Variants in ZFHX3 observed in about 807,000 individuals in gnomAD.
ZFHX3 encodes zinc finger homeobox protein 3.
ZFHX3 carries 42 observed loss-of-function variants against 279.1 expected under a neutral mutation model. That is an observed-to-expected ratio of 0.15 (90% CI 0.12 to 0.19). The LOEUF (loss-of-function observed/expected upper bound fraction) is 0.19. ZFHX3 is among the 10% of genes least tolerant of loss of function. ZFHX3 has a pLI of 1.00. For synonymous variants in ZFHX3, 2,293 were observed against 1,957.8 expected, an observed-to-expected ratio of 1.17 and a Z score of -4.52; for missense variants, 4,981 against 4,754.0, an observed-to-expected ratio of 1.05 and a Z score of -1.40.
chr16:73,815,749 G>C (rs1472680155), intron 1 of ZFHX3: 1 of 151,962 alleles, frequency 6.6e-6, no homozygotes, highest in African/African-American at 2.4e-5. Context: ...ATTTTTACTA[G>C]AGACAGGTTT....
rs535368706 is a variant in ZFHX3 at position 73,765,878 on chromosome 16, A to C, written c.-1607-85638T>G. Among the ~76,000 whole-genome samples, 48 of 152,328 alleles carry C rather than the reference A, an allele frequency of 3.2e-4. No individual in the cohort carries two copies. The South Asian group carries it at 9.3e-3, about 30-fold the overall frequency. On this transcript the variant is annotated intron_variant, in intron 1 of 17. Transcript: ENST00000641206. ...TTCTGCCTCAACCCTTGGCCACACCACTGGCCAGGAGGCTTACGTGAGACT... is the reference window on the plus strand; with the variant it reads ...TTCTGCCTCAACCCTTGGCCACACCCCTGGCCAGGAGGCTTACGTGAGACT...
rs147515038 is a variant in ZFHX3, at chr16:73,585,139, C to G, written c.-1547+95041G>C. On this transcript the variant is annotated intron_variant, in intron 2 of 17. Coordinates refer to the ZFHX3 transcript ENST00000641206. ...TACACTCTTGGTAAAACAAACAGGTCAGGTGCGGTGGCTCACACTTGTAAT... is the reference window on the plus strand; with the variant it reads ...TACACTCTTGGTAAAACAAACAGGTGAGGTGCGGTGGCTCACACTTGTAAT... Among the ~76,000 whole-genome samples the G allele has an allele frequency of 4.6e-5, 7 of 152,302 alleles. No individual in the cohort carries two copies. In the East Asian group the frequency reaches 1.4e-3, roughly 29 times the overall value.
At chr16:73,868,053 T>C (rs888321749) in intron 1 of ZFHX3, among the ~76,000 whole-genome samples, 3 of 152,224 alleles carry the variant, frequency 2.0e-5, no homozygotes, top group Non-Finnish European at 4.4e-5. Context: ...TCCCTAAACC[T>C]GGTCTTCTTG....
chr16:73,170,222 A>ATTTTTTTTTT (rs1323820575), intron 5 of ZFHX3, among the ~76,000 whole-genome samples: 8 of 36,840 alleles, frequency 2.2e-4, no homozygotes, highest in South Asian at 8.1e-4. Context: ...TCCTTTCACT[A>ATTTTTTTTTT]GTTTTTTTTT....
At chr16:73,042,328 T>G (rs984870705) in intron 1 of ZFHX3, among the ~76,000 whole-genome samples, 1 of 152,068 alleles carries the variant, frequency 6.6e-6, no homozygotes, top group Non-Finnish European at 1.5e-5. Flanking sequence ...AACTAGAATC[T>G]TCCTACTGAA....
Position 73,127,439 on chromosome 16 carries a change from C to T in ZFHX3, c.-897+3529G>A, listed in dbSNP as rs111698259. The T allele has an allele frequency of 2.5e-5, 33 of 1,305,360 alleles. No homozygotes were observed. The East Asian group carries it at 3.3e-4, about 13-fold the overall frequency. The allele number at this position is 1,305,360 out of a possible 1,614,324, so 80.9% of individuals were successfully genotyped here. ...GGTAGTAGCTGGAGCATCTCTGTTCCGGAACTGAGACATCAAGCGAGAGCC... is the reference window on the plus strand; with the variant it reads ...GGTAGTAGCTGGAGCATCTCTGTTCTGGAACTGAGACATCAAGCGAGAGCC... On this transcript the variant is annotated intron_variant, in intron 7 of 17. Transcript: ENST00000641206.
At chr16:73,021,311 T>G (rs993457287) in intron 1 of ZFHX3, among the ~76,000 whole-genome samples, 10 of 152,120 alleles carry the variant, frequency 6.6e-5, no homozygotes, top group Admixed American at 6.5e-4. Flanking sequence ...GTCCTTCCAG[T>G]CACTCAAGTT....
intron 1 of ZFHX3, among the ~76,000 whole-genome samples, chr16:73,819,940 G>C (rs780420869): frequency 6.6e-6 from 1 of 152,128 alleles, no homozygotes; most frequent in South Asian, 2.1e-4. Flanking sequence ...AGATGGTCAC[G>C]ACAATGTCTC....
intron 2 of ZFHX3, among the ~76,000 whole-genome samples, chr16:73,535,049 G>A (rs916215331): frequency 5.9e-5 from 9 of 151,802 alleles, no homozygotes; most frequent in African/African-American, 2.2e-4. Flanking sequence ...AAAAAAAAAA[G>A]CAAAAAACTT....
intron 3 of ZFHX3, among the ~76,000 whole-genome samples, chr16:73,363,551 T>A (rs2016471072): frequency 6.7e-6 from 1 of 149,106 alleles, no homozygotes; most frequent in South Asian, 2.1e-4. Context: ...GGCACTTTAA[T>A]TTTTTTTTTC....
chr16:72,958,105 T>C lies in ZFHX3; in HGVS notation c.2041A>G (p.Lys681Glu). ...TGTGCCTCCAGGGTCTGCTGGTACT[T>C]ATAGTGCCAGTTGCACTTGGGGCAC... is the stretch of plus-strand genomic sequence containing the variant. The part of the protein sequence containing the change: ...LKCPKCNWHY[K>E]YQQTLEAHMK... Residue 681 changes from lysine (K) to glutamate (E), a missense_variant, in exon 2 of 10, where the codon AAG (lysine) becomes GAG (glutamate). By Grantham distance (56) the Lys-to-Glu change is moderately conservative. Around this residue, in one of 7 missense-constraint regions of ZFHX3, gnomAD observed 1,068 missense variants for 935.2 expected, o/e 1.14. Coordinates refer to ENST00000268489, the MANE Select transcript of ZFHX3 (RefSeq NM_006885.4). 1 of 1,614,162 alleles carries C rather than the reference T, an allele frequency of 6.2e-7. No individual in the cohort carries two copies. Among genetic ancestry groups the C allele is most frequent in the Non-Finnish European group, 8.5e-7 (1 of 1,180,032 alleles).
chr16:73,667,148 C>T (rs566282755), intron 2 of ZFHX3, among the ~76,000 whole-genome samples: 11 of 152,026 alleles, frequency 7.2e-5, no homozygotes, highest in Admixed American at 2.0e-4. Context: ...CCCGCCACCA[C>T]GCCCGGCTAA....
At chr16:73,364,121 C>G (rs565514828) in intron 3 of ZFHX3, among the ~76,000 whole-genome samples, 35 of 151,464 alleles carry the variant, frequency 2.3e-4, no homozygotes, top group Non-Finnish European at 4.7e-4. Context: ...TGCAGTGAGC[C>G]GAAATGGTAC....
At chr16:73,312,226 G>A (rs1188615924) in intron 4 of ZFHX3, among the ~76,000 whole-genome samples, 2 of 152,126 alleles carry the variant, frequency 1.3e-5, no homozygotes, top group Admixed American at 6.5e-5. Context: ...TTAGTCTGAC[G>A]ACAAGAACAC....
At chr16:73,015,660 T>C (rs1007097408) in intron 1 of ZFHX3, 2 of 152,208 alleles carry the variant, frequency 1.3e-5, no homozygotes, top group African/African-American at 4.8e-5. Flanking sequence ...GAAGCCTCGC[T>C]GTGATGCCAG....
At chr16:73,555,832 CA>C (rs1204021861) in intron 2 of ZFHX3, among the ~76,000 whole-genome samples, 317 of 123,014 alleles carry the variant, frequency 2.6e-3, no homozygotes, top group African/African-American at 4.1e-3. Context: ...AACTCCATCT[CA>C]AAAAAAAAAA....
intron 5 of ZFHX3, among the ~76,000 whole-genome samples, chr16:73,207,104 AT>A (rs66475404): frequency 0.028 from 4,336 of 152,194 alleles, 239 homozygotes; most frequent in African/African-American, 0.099. Context: ...TTTATGCAGA[AT>A]GGTAACAAGG....
chr16:73,596,117 T>G (rs916401652), intron 2 of ZFHX3, among the ~76,000 whole-genome samples: 2 of 151,642 alleles, frequency 1.3e-5, no homozygotes, highest in Non-Finnish European at 2.9e-5. Context: ...GCCTCCCGGG[T>G]TCAAGCAATT....
chr16:73,105,061 T>A (rs926304696), intron 7 of ZFHX3, among the ~76,000 whole-genome samples: 1 of 152,110 alleles, frequency 6.6e-6, no homozygotes, highest in African/African-American at 2.4e-5. Flanking sequence ...TGCTTGGCGA[T>A]GAGCTCTTGC....
Sources: allele counts gnomAD v4.1 joint callset (sites outside exome capture counted in the v4.1 genomes callset), GRCh38; gene constraint gnomAD v4.1.1; regional missense constraint gnomAD v4.1.1; transcripts MANE v1.5; gene names NCBI Gene and HGNC (gene_info 2026-07-23, HGNC 2026-07-21).